PIK3C2B: variants seen among roughly 807,000 people sequenced by gnomAD.
PIK3C2B encodes the protein phosphatidylinositol-4-phosphate 3-kinase catalytic subunit type 2 beta.
A neutral mutation model predicts 184.3 loss-of-function variants in PIK3C2B; 83 were observed. The ratio of observed to expected loss-of-function variants is 0.45; its 90% CI spans 0.38 to 0.54. PIK3C2B has a LOEUF of 0.54. Among genes scored for constraint, PIK3C2B ranks in the 20% least tolerant of loss-of-function variants. The pLI is 0.00. For missense variants in PIK3C2B, 1,736 were observed against 2,113.5 expected, an observed-to-expected ratio of 0.82 and a Z score of 3.50; for synonymous variants, 779 against 837.6, an observed-to-expected ratio of 0.93 and a Z score of 1.21.
intron 18 of PIK3C2B, 43 bp downstream of exon 18, chr1:204,444,025 A>G (rs944194704): frequency 1.5e-6 from 2 of 1,334,040 alleles, no homozygotes; most frequent in Admixed American, 1.7e-5. Flanking sequence ...CTCCTACGTG[A>G]AAGACACGTG....
chr1:204,491,463 C>T (rs1159423536), intron 1 of PIK3C2B, among the ~76,000 whole-genome samples: 1 of 152,030 alleles, frequency 6.6e-6, no homozygotes, highest in African/African-American at 2.4e-5. Context: ...GAGGCCAAGG[C>T]AGGAGGTTCC....
At chr1:204,429,253 T>C (rs1674909695) in intron 29 of PIK3C2B, among the ~76,000 whole-genome samples, 1 of 150,524 alleles carries the variant, frequency 6.6e-6, no homozygotes. Flanking sequence ...TGTGTGAAAA[T>C]ACTCACTTGA....
chr1:204,455,436 T>C (rs959826342), intron 11 of PIK3C2B, among the ~76,000 whole-genome samples: 9 of 151,700 alleles, frequency 5.9e-5, no homozygotes, highest in Non-Finnish European at 8.8e-5. Flanking sequence ...CAAAAGAACA[T>C]CCTCCTCCAC....
intron 1 of PIK3C2B, chr1:204,490,036 T>G (rs562770881): frequency 1.8e-5 from 7 of 397,374 alleles, no homozygotes; most frequent in Non-Finnish European, 3.1e-5. Flanking sequence ...GAGCCACGTG[T>G]GTGAAACAAC....
At chr1:204,427,346 A>G (rs1674798572) in intron 31 of PIK3C2B, among the ~76,000 whole-genome samples, 1 of 152,242 alleles carries the variant, frequency 6.6e-6, no homozygotes, top group Admixed American at 6.5e-5. Flanking sequence ...CATGGTGTTA[A>G]GTATTCCACA....
intron 10 of PIK3C2B, among the ~76,000 whole-genome samples, chr1:204,456,661 G>A (rs1399031796): frequency 1.3e-5 from 2 of 152,080 alleles, no homozygotes; most frequent in Non-Finnish European, 2.9e-5. Context: ...GGTAGCAAGT[G>A]TGAGCTGTTG....
At chr1:204,481,548 C>T (rs973017859) in intron 1 of PIK3C2B, among the ~76,000 whole-genome samples, 3 of 152,136 alleles carry the variant, frequency 2.0e-5, no homozygotes, top group Non-Finnish European at 4.4e-5. Context: ...TGAGCCACCA[C>T]GCCGAGGTCA....
In PIK3C2B at chr1:204,482,203, C is replaced by T. The variant is rs145049889; in HGVS notation, c.-85+12153G>A. Among the ~76,000 whole-genome samples, 442 of 152,042 alleles carry T rather than the reference C, an allele frequency of 2.9e-3. 3 individuals are homozygous for T. The highest frequency in any genetic ancestry group is 0.01 in the African/African-American group (421 of 41,380). On this transcript the variant is annotated intron_variant, in intron 1 of 32. Coordinates refer to ENST00000684373, the MANE Select transcript of PIK3C2B (RefSeq NM_001377334.1). ...TCCTGAGTGTAGGAACCTCTTGCCCCTCTAGAGTACAGTCCCCACAATGCT... is the reference window on the plus strand; with the variant it reads ...TCCTGAGTGTAGGAACCTCTTGCCCTTCTAGAGTACAGTCCCCACAATGCT...
In PIK3C2B at chr1:204,424,370, G is replaced by A; in HGVS notation, c.*482C>T. 5.0e-6 allele frequency: 1 copy of A among 201,928 alleles called. No homozygotes were observed. The highest frequency in any genetic ancestry group is 1.0e-5 in the Non-Finnish European group (1 of 96,186). The allele number at this position is 201,928 out of a possible 1,614,324, so 12.5% of individuals were successfully genotyped here. A position where few individuals can be genotyped will look rare whatever the true frequency, so the allele number is the denominator to read the frequency against. ...AAAAACCTAGGGAAAAGTCCAATAA[G>A]AACCTTAATCATACAAAAAGTCCAA... On this transcript the variant is annotated 3_prime_UTR_variant, in exon 33 of 33. Transcript: ENST00000684373.
chr1:204,454,253 C>A (rs937627883), intron 12 of PIK3C2B, among the ~76,000 whole-genome samples: 6 of 150,106 alleles, frequency 4.0e-5, no homozygotes, highest in Non-Finnish European at 8.9e-5. Context: ...GAGGCCGAGG[C>A]GGGCAGATCA....
intron 23 of PIK3C2B, among the ~76,000 whole-genome samples, chr1:204,436,339 G>A (rs1675341668): frequency 6.6e-6 from 1 of 152,114 alleles, no homozygotes; most frequent in Non-Finnish European, 1.5e-5. Context: ...AGTCCAGCCT[G>A]GGCAACATGG....
intron 12 of PIK3C2B, 93 bp from the exon 13 acceptor site, chr1:204,450,110 G>C (rs1366017865): frequency 3.1e-5 from 33 of 1,063,258 alleles, no homozygotes; most frequent in Non-Finnish European, 4.2e-5. Flanking sequence ...TGAGGCTGAG[G>C]ATACAGCCTC....
chr1:204,465,167 C>CACCCCAAACCCCCAA, intron 3 of PIK3C2B, 52 bp downstream of exon 3: 1 of 760,396 alleles, frequency 1.3e-6, no homozygotes, highest in Non-Finnish European at 2.3e-6. Flanking sequence ...GATGGCCCCC[C>CACCCCAAACCCCCAA]TCCCCATCCC....
At chr1:204,471,093 T>C (rs61817929) in intron 1 of PIK3C2B, among the ~76,000 whole-genome samples, 101,537 of 109,628 alleles carry the variant, frequency 0.93, 47,114 homozygotes, top group Non-Finnish European at 0.99. Flanking sequence ...GATGGCTTCA[T>C]TGGTATTCTC....
chr1:204,447,537 G>A lies in PIK3C2B; in HGVS notation c.2388C>T (p.Ser796=), dbSNP rs755353972. The change falls in exon 15 of 33, where the codon AGC becomes AGT. Residue 796 remains serine (S), a synonymous_variant. Coordinates refer to ENST00000684373, the MANE Select transcript of PIK3C2B (RefSeq NM_001377334.1). The surrounding 1 kb of genome is among the most constrained non-coding windows in gnomAD (Gnocchi z 4.1). ...PTSAFDIKFT[S]PPGDKFSPRY... ...GGGGGCTGAACTTGTCTCCAGGGGG[G>A]CTGGTGAACTTGATGTCAAAGGCCG... The A allele has an allele frequency of 1.2e-6, 2 of 1,610,170 alleles. No homozygotes were observed. The highest frequency in any genetic ancestry group is 1.7e-6 in the Non-Finnish European group (2 of 1,177,202).
intron 1 of PIK3C2B, chr1:204,489,996 G>C (rs944813754): frequency 1.0e-5 from 4 of 397,094 alleles, no homozygotes; most frequent in African/African-American, 6.2e-5. Context: ...CTTCTTCCTG[G>C]TGGGCTTGGC....
chr1:204,441,579 G>C lies in PIK3C2B; in HGVS notation c.3157-16C>G, dbSNP rs1318853552. 1.9e-6 allele frequency: 3 copies of C among 1,586,132 alleles called. No individual in the cohort carries two copies. In the South Asian group the frequency reaches 3.3e-5, roughly 18 times the overall value. Reference sequence around the variant, plus strand: ...AGGAACAGTCCTGCCATGGTGAAAAGATAGTGACGAGGGTCAGAGTGGCCC... The same window carrying C: ...AGGAACAGTCCTGCCATGGTGAAAACATAGTGACGAGGGTCAGAGTGGCCC... On this transcript the variant is annotated splice_polypyrimidine_tract_variant and intron_variant, in intron 20 of 32. Coordinates refer to ENST00000684373, the MANE Select transcript of PIK3C2B (RefSeq NM_001377334.1).
rs1674651768 is a variant in PIK3C2B, at chr1:204,424,692, T to TA, written c.*159dup. 1 of 788,798 alleles carries TA rather than the reference T, an allele frequency of 1.3e-6. No homozygotes were observed. The allele number at this position is 788,798 out of a possible 1,614,324, so 48.9% of individuals were successfully genotyped here. A position where few individuals can be genotyped will look rare whatever the true frequency, so the allele number is the denominator to read the frequency against. On this transcript the variant is annotated 3_prime_UTR_variant, in exon 33 of 33. Coordinates refer to ENST00000684373, the MANE Select transcript of PIK3C2B (RefSeq NM_001377334.1). ...GAGGAAGAGACAGCAGAGCATGTCT[T>TA]ACTCTCCCTGCCTCCTACCACAGAG...
Position 204,424,005 on chromosome 1 carries a change from G to A in PIK3C2B, c.*847C>T, listed in dbSNP as rs988801669. 6.5e-6 allele frequency: 1 copy of A among 152,802 alleles called. No homozygotes were observed. Among genetic ancestry groups the A allele is most frequent in the African/African-American group, 2.4e-5 (1 of 41,466 alleles). 9.5% of individuals were successfully genotyped at this position (152,802 alleles called of 1,614,324 possible). ...GACCCCCAGAAGGGCCAGGAGAATG[G>A]AGGGGCAAGGGGTAGAAAATGGTAT... On this transcript the variant is annotated 3_prime_UTR_variant, in exon 33 of 33. Transcript: ENST00000684373.
Sources: gnomAD v4.1 joint callset for allele counts (sites outside exome capture counted in the v4.1 genomes callset) on GRCh38, gnomAD v4.1.1 for gene constraint, Gnocchi (gnomAD v3.1) non-coding constraint, MANE v1.5 for transcripts, NCBI Gene and HGNC (gene_info 2026-07-23, HGNC 2026-07-21) for gene names.